CENPC: variants seen among roughly 807,000 people sequenced by gnomAD.
CENPC encodes centromere protein C.
In CENPC, 63 loss-of-function variants were observed where a neutral mutation model predicts 112.1. That is an observed-to-expected ratio of 0.56 (90% confidence interval 0.46 to 0.69). The LOEUF is 0.69. Among genes scored for constraint, CENPC ranks in the 30% least tolerant of loss-of-function variants. The pLI, the probability that CENPC is intolerant of heterozygous loss-of-function variation, is 0.00. For missense variants in CENPC, 1,000 were observed against 1,103.8 expected, an observed-to-expected ratio of 0.91 and a Z score of 1.33; for synonymous variants, 333 against 367.6, an observed-to-expected ratio of 0.91 and a Z score of 1.08.
rs767698313 is a variant in CENPC at position 67,471,727 on chromosome 4, T to A, written c.*878A>T. On this transcript the variant is annotated 3_prime_UTR_variant, in exon 19 of 19. Coordinates refer to ENST00000273853, the MANE Select transcript of CENPC (RefSeq NM_001812.4). ...AAATATTTTTACCGTAAAACATCAA[T>A]TTCTTCAGAGTTAATGAGAATTATA... 6.6e-6 allele frequency: 1 copy of A among 152,176 alleles called. No homozygotes were observed. Among genetic ancestry groups the A allele is most frequent in the East Asian group, 1.9e-4 (1 of 5,202 alleles). 9.4% of individuals were successfully genotyped at this position (152,176 alleles called of 1,614,324 possible). A position where few individuals can be genotyped will look rare whatever the true frequency, so the allele number is the denominator to read the frequency against.
Position 67,517,002 on chromosome 4 carries a change from T to TA in CENPC, c.830+1153dup, listed in dbSNP as rs796432260. Among the ~76,000 whole-genome samples the TA allele has an allele frequency of 9.2e-5, 14 of 152,076 alleles. 1 individual carries two copies. Among genetic ancestry groups the TA allele is most frequent in the African/African-American group, 3.1e-4 (13 of 41,352 alleles). The stretch of plus-strand genomic sequence containing the variant: ...CATTAAAAAATAATTTCTCAGACAT[T>TA]ATATAATTAGCCCACAAGTATAACG... On this transcript the variant is annotated intron_variant, in intron 7 of 18. Transcript: ENST00000273853.
chr4:67,517,889 T>C (rs561962076), intron 7 of CENPC, among the ~76,000 whole-genome samples: 4 of 152,238 alleles, frequency 2.6e-5, no homozygotes, highest in African/African-American at 9.6e-5. Context: ...CAGTCTTTGA[T>C]ATCACACAGA....
At position 67,518,391 on chromosome 4, in the gene CENPC, AGCTGAAT is replaced by A. The variant is rs751382962; in HGVS notation, c.618-30_618-24del. The A allele has an allele frequency of 2.0e-6, 3 of 1,502,028 alleles. No individual in the cohort carries two copies. The South Asian group carries it at 4.0e-5, about 20-fold the overall frequency. 93.0% of individuals were successfully genotyped at this position (1,502,028 alleles called of 1,614,324 possible). On this transcript the variant is annotated intron_variant, in intron 6 of 18. Transcript: ENST00000273853. ...AACCTAAAAGGTTAAAAGGAGGGTA[AGCTGAAT>A]GCTCCCGTAACGTTTCTTGAGTTAT...
intron 17 of CENPC, among the ~76,000 whole-genome samples, chr4:67,488,632 A>G (rs1437166429): frequency 1.3e-5 from 2 of 152,016 alleles, no homozygotes; most frequent in African/African-American, 2.4e-5. Context: ...TTCCTTTTGT[A>G]TAATAAAGGC....
chr4:67,541,021 T>C lies in CENPC; in HGVS notation c.95A>G (p.Gln32Arg). ...RARDINTEQGQNVLEILQDCF... is the reference protein window; with the variant it reads ...RARDINTEQGRNVLEILQDCF... ...GTCTTGTAAGATTTCCAGAACATTC[T>C]GGCCTTGCTCTGTGTTAATGTCACG... The change falls in exon 3 of 19, where the codon CAG becomes CGG. Residue 32 changes from glutamine to arginine, a missense_variant. Physicochemically the swap from Gln to Arg is conservative, Grantham distance 43. Coordinates refer to ENST00000273853, the MANE Select transcript of CENPC (RefSeq NM_001812.4). The C allele has an allele frequency of 1.9e-6, 3 of 1,610,434 alleles. No homozygotes were observed. The highest frequency in any genetic ancestry group is 1.7e-6 in the Non-Finnish European group (2 of 1,178,226).
intron 12 of CENPC, chr4:67,504,917 C>T: frequency 3.1e-6 from 1 of 326,510 alleles, no homozygotes; most frequent in Non-Finnish European, 5.5e-6. Context: ...TAATCATCAA[C>T]AGATCACTAA....
chr4:67,526,629 T>C (rs1376994045), intron 5 of CENPC, among the ~76,000 whole-genome samples: 16 of 152,044 alleles, frequency 1.1e-4, no homozygotes, highest in Admixed American at 9.8e-4. Flanking sequence ...TTCCAGAAAT[T>C]AGAAAAGGGA....
At chr4:67,537,986 AAAATAAATAAAT>A (rs559705114) in intron 4 of CENPC, among the ~76,000 whole-genome samples, 82 of 152,154 alleles carry the variant, frequency 5.4e-4, no homozygotes, top group Non-Finnish European at 9.7e-4. Context: ...CCTGTCTCAG[AAAATAAATAAAT>A]AAATAAATAA....
chr4:67,472,568 C>T lies in CENPC; in HGVS notation c.*37G>A, dbSNP rs1236573866. 3.5e-6 allele frequency: 5 copies of T among 1,418,836 alleles called. No individual in the cohort carries two copies. The highest frequency in any genetic ancestry group is 1.5e-5 in the African/African-American group (1 of 68,230). The allele number at this position is 1,418,836 out of a possible 1,614,324, so 87.9% of individuals were successfully genotyped here. On this transcript the variant is annotated 3_prime_UTR_variant, in exon 19 of 19. Coordinates refer to ENST00000273853, the MANE Select transcript of CENPC (RefSeq NM_001812.4). ...CTATACAAACTGTTTTTCACATATA[C>T]ATATATACATACATATATTTAAGGT... is the stretch of plus-strand genomic sequence containing the variant.
At chr4:67,509,235 C>CACAT in intron 9 of CENPC, 130 bp from the exon 10 acceptor site, 1 of 600,142 alleles carries the variant, frequency 1.7e-6, no homozygotes. Context: ...CACACACACA[C>CACAT]ACACACACAC....
chr4:67,494,757 T>A (rs184518292), intron 13 of CENPC, among the ~76,000 whole-genome samples: 3 of 152,354 alleles, frequency 2.0e-5, no homozygotes, highest in South Asian at 2.1e-4. Flanking sequence ...GTTCCACAGT[T>A]CTTAGCTTTG....
At chr4:67,475,049 T>C in intron 17 of CENPC, 71 bp from the exon 18 acceptor site, 2 of 816,110 alleles carry the variant, frequency 2.5e-6, no homozygotes, top group Non-Finnish European at 3.9e-6. Flanking sequence ...CCTTAAAATG[T>C]AGTGGGAAGA....
intron 4 of CENPC, among the ~76,000 whole-genome samples, chr4:67,535,113 A>AT (rs1409363858): frequency 1.3e-5 from 2 of 152,128 alleles, no homozygotes; most frequent in Non-Finnish European, 2.9e-5. Flanking sequence ...CTAAGGGAAA[A>AT]TACACCTGAC....
chr4:67,520,926 C>G (rs923675321), intron 5 of CENPC, among the ~76,000 whole-genome samples: 1 of 152,002 alleles, frequency 6.6e-6, no homozygotes, highest in South Asian at 2.1e-4. Flanking sequence ...GCATGAGAAT[C>G]ACTTGAACCC....
At chr4:67,482,865 T>C (rs1158100163) in intron 17 of CENPC, among the ~76,000 whole-genome samples, 3 of 152,214 alleles carry the variant, frequency 2.0e-5, no homozygotes, top group East Asian at 3.9e-4. Context: ...TCTTGTAATA[T>C]GGTTTGGCTT....
At chr4:67,517,024 AAC>A (rs1372584857) in intron 7 of CENPC, among the ~76,000 whole-genome samples, 1 of 152,034 alleles carries the variant, frequency 6.6e-6, no homozygotes, top group African/African-American at 2.4e-5. Context: ...CCACAAGTAT[AAC>A]GCATTTGTTT....
chr4:67,539,182 G>A (rs978125004), intron 4 of CENPC, among the ~76,000 whole-genome samples: 1 of 152,098 alleles, frequency 6.6e-6, no homozygotes, highest in Non-Finnish European at 1.5e-5. Flanking sequence ...AAAAACCATT[G>A]TAATTTATCA....
chr4:67,485,473 C>CT, intron 17 of CENPC, among the ~76,000 whole-genome samples: 1 of 151,784 alleles, frequency 6.6e-6, no homozygotes, highest in South Asian at 2.1e-4. Flanking sequence ...ATCTTAACCC[C>CT]CCCAATGTGA....
At chr4:67,523,796 A>G (rs1341753748) in intron 5 of CENPC, among the ~76,000 whole-genome samples, 1 of 152,110 alleles carries the variant, frequency 6.6e-6, no homozygotes, top group Non-Finnish European at 1.5e-5. Context: ...AGAAATCATG[A>G]TTCCATGAAG....
Sources: gnomAD v4.1 joint callset for allele counts (sites outside exome capture counted in the v4.1 genomes callset) on GRCh38, gnomAD v4.1.1 for gene constraint, MANE v1.5 for transcripts, NCBI Gene and HGNC (gene_info 2026-07-23, HGNC 2026-07-21) for gene names.